Variants in PACRG observed in about 807,000 individuals in gnomAD.
PACRG encodes the protein parkin coregulated.
In PACRG, 29 loss-of-function variants were observed where a neutral mutation model predicts 29.7. The observed-to-expected ratio is 0.98, with a 90% CI of 0.73 to 1.33. The LOEUF is 1.33. Ranked by LOEUF, PACRG falls within the 40% of genes most tolerant of loss-of-function variation. PACRG has a pLI of 0.00. For synonymous variants in PACRG, 116 were observed against 118.7 expected (o/e 0.98, Z 0.15); for missense variants, 279 against 316.2 (o/e 0.88, Z 0.89).
chr6:163,167,199 A>G (rs1340367864), intron 4 of PACRG, among the ~76,000 whole-genome samples: 1 of 152,252 alleles, frequency 6.6e-6, no homozygotes, highest in Admixed American at 6.5e-5. Flanking sequence ...ACCAGACAGA[A>G]GAAACCTTAA....
At chr6:162,950,484 G>A (rs1281157880) in intron 2 of PACRG, among the ~76,000 whole-genome samples, 2 of 150,684 alleles carry the variant, frequency 1.3e-5, no homozygotes. Flanking sequence ...CTCCAGCCTG[G>A]GCTACAGAGC....
chr6:163,216,830 C>T (rs1781382710), intron 4 of PACRG, among the ~76,000 whole-genome samples: 1 of 152,184 alleles, frequency 6.6e-6, no homozygotes, highest in African/African-American at 2.4e-5. Context: ...AAGAACAAAA[C>T]CACCTATTAT....
At chr6:163,125,003 A>G (rs183187283) in intron 4 of PACRG, among the ~76,000 whole-genome samples, 37 of 152,370 alleles carry the variant, frequency 2.4e-4, no homozygotes, top group Non-Finnish European at 3.8e-4. Context: ...AAGAAGTGAA[A>G]AGGATTTGCC....
At chr6:162,766,370 T>C (rs931073778) in intron 1 of PACRG, among the ~76,000 whole-genome samples, 4 of 152,346 alleles carry the variant, frequency 2.6e-5, no homozygotes, top group African/African-American at 9.6e-5. Context: ...CTTTCTCATG[T>C]TGTCGCAAAT....
At chr6:163,257,514 A>C (rs1286546209) in intron 4 of PACRG, among the ~76,000 whole-genome samples, 1 of 152,116 alleles carries the variant, frequency 6.6e-6, no homozygotes, top group African/African-American at 2.4e-5. Context: ...CACTCATTTA[A>C]ATTGTTATTT....
intron 2 of PACRG, among the ~76,000 whole-genome samples, chr6:163,056,482 T>C (rs921103352): frequency 2.6e-5 from 4 of 152,162 alleles, no homozygotes; most frequent in African/African-American, 7.2e-5. Flanking sequence ...GAAAGAGACA[T>C]ACAAATCTAG....
chr6:162,734,456 T>C (rs886639135), intron 1 of PACRG, among the ~76,000 whole-genome samples: 3 of 151,556 alleles, frequency 2.0e-5, no homozygotes, highest in Non-Finnish European at 3.0e-5. Context: ...TTAAATTATA[T>C]CAAACATCTT....
chr6:162,940,276 C>T (rs1203823443), intron 2 of PACRG, among the ~76,000 whole-genome samples: 6 of 152,142 alleles, frequency 3.9e-5, no homozygotes, highest in African/African-American at 1.4e-4. Context: ...ACACTCTGTT[C>T]TAGGCAAGGC....
chr6:162,808,764 T>G (rs1786579540), intron 1 of PACRG, among the ~76,000 whole-genome samples: 1 of 152,194 alleles, frequency 6.6e-6, no homozygotes. Context: ...AAACCCTAAT[T>G]GCATTTTCCC....
intron 2 of PACRG, among the ~76,000 whole-genome samples, chr6:162,956,469 C>CTG (rs1318548420): frequency 1.3e-5 from 2 of 152,192 alleles, no homozygotes; most frequent in Non-Finnish European, 2.9e-5. Context: ...CCCAGGGCTG[C>CTG]TGTGACACAG....
chr6:162,821,984 AC>A (rs1476053696), intron 2 of PACRG, among the ~76,000 whole-genome samples: 1 of 152,008 alleles, frequency 6.6e-6, no homozygotes, highest in African/African-American at 2.4e-5. Flanking sequence ...CCAGATAACA[AC>A]TTTTAGTCTA....
chr6:163,255,094 A>C (rs1169319036), intron 4 of PACRG, among the ~76,000 whole-genome samples: 1 of 152,196 alleles, frequency 6.6e-6, no homozygotes, highest in African/African-American at 2.4e-5. Flanking sequence ...ACCAAAGAAC[A>C]AGAAAGACCC....
intron 4 of PACRG, among the ~76,000 whole-genome samples, chr6:163,118,595 T>G (rs1243013916): frequency 6.6e-6 from 1 of 152,260 alleles, no homozygotes. Context: ...GCTAACTTAG[T>G]AAAGAACTCT....
intron 2 of PACRG, among the ~76,000 whole-genome samples, chr6:163,046,389 G>A (rs1171671672): frequency 8.7e-6 from 1 of 114,936 alleles, no homozygotes; most frequent in Non-Finnish European, 1.9e-5. Context: ...TTTTGTGATT[G>A]TATGATTGTC....
At chr6:163,310,479 G>A (rs1785370022) in intron 4 of PACRG, 1 of 152,194 alleles carries the variant, frequency 6.6e-6, no homozygotes, top group African/African-American at 2.4e-5. Flanking sequence ...CGGAGTAGAT[G>A]CTTAGTCTAC....
At chr6:162,823,039 A>G (rs1386496196) in intron 2 of PACRG, among the ~76,000 whole-genome samples, 1 of 151,944 alleles carries the variant, frequency 6.6e-6, no homozygotes, top group Non-Finnish European at 1.5e-5. Flanking sequence ...TGCATGTTAC[A>G]TTTTCCTTTT....
At chr6:162,875,579 A>G (rs1413081907) in intron 2 of PACRG, among the ~76,000 whole-genome samples, 2 of 152,248 alleles carry the variant, frequency 1.3e-5, no homozygotes, top group African/African-American at 2.4e-5. Context: ...TGAAAGAAAT[A>G]TCATCTTTAT....
chr6:162,760,944 G>A (rs1265766473), intron 1 of PACRG, among the ~76,000 whole-genome samples: 1 of 152,180 alleles, frequency 6.6e-6, no homozygotes, highest in Non-Finnish European at 1.5e-5. Flanking sequence ...ATGTGGAAAT[G>A]TGAATAAATT....
At chr6:162,752,904 T>C (rs188409103) in intron 1 of PACRG, among the ~76,000 whole-genome samples, 1 of 152,208 alleles carries the variant, frequency 6.6e-6, no homozygotes, top group South Asian at 2.1e-4. Flanking sequence ...TTCCACCATA[T>C]ACTTTATTTT....
Sources: gnomAD v4.1 joint callset for allele counts (sites outside exome capture counted in the v4.1 genomes callset) on GRCh38, gnomAD v4.1.1 for gene constraint, MANE v1.5 for transcripts, NCBI Gene and HGNC (gene_info 2026-07-23, HGNC 2026-07-21) for gene names.